Variants in CDK14 observed in about 807,000 individuals in gnomAD.
CDK14 encodes cyclin-dependent kinase 14.
Under a neutral mutation model 60.7 loss-of-function variants are expected in CDK14, and 34 were observed. That is an observed-to-expected ratio of 0.56 (90% confidence interval 0.43 to 0.75). The LOEUF (loss-of-function observed/expected upper bound fraction) is 0.75, where lower values mean the gene tolerates loss of function less well. Among genes scored for constraint, CDK14 ranks in the 30% least tolerant of loss-of-function variants. CDK14 has a pLI of 0.00. For synonymous variants in CDK14, 197 were observed against 203.7 expected (o/e 0.97, Z 0.28); for missense variants, 482 against 564.1 (o/e 0.85, Z 1.47).
At chr7:90,784,988 C>T (rs1289818140) in intron 4 of CDK14, among the ~76,000 whole-genome samples, 1 of 151,958 alleles carries the variant, frequency 6.6e-6, no homozygotes, top group Admixed American at 6.6e-5. Flanking sequence ...TTGTCCTTGC[C>T]CTACTCCAGC....
intron 4 of CDK14, among the ~76,000 whole-genome samples, chr7:90,766,193 ATC>A (rs1804552798): frequency 6.6e-6 from 1 of 151,508 alleles, no homozygotes; most frequent in Admixed American, 6.6e-5. Flanking sequence ...TTTTAATGAC[ATC>A]TCTTTTTTTG....
intron 2 of CDK14, among the ~76,000 whole-genome samples, chr7:90,617,543 C>T (rs942982198): frequency 6.6e-6 from 1 of 152,038 alleles, no homozygotes; most frequent in African/African-American, 2.4e-5. Context: ...AACTGAGTTA[C>T]ACACATTTTA....
intron 4 of CDK14, among the ~76,000 whole-genome samples, chr7:90,784,486 A>G (rs753071214): frequency 2.0e-5 from 3 of 152,228 alleles, no homozygotes; most frequent in Admixed American, 1.3e-4. Flanking sequence ...TAATTTGATC[A>G]TTACACTTTA....
chr7:90,775,391 GAT>G (rs1804979390), intron 4 of CDK14, among the ~76,000 whole-genome samples: 1 of 152,014 alleles, frequency 6.6e-6, no homozygotes, highest in Non-Finnish European at 1.5e-5. Context: ...GAGGAAAAGT[GAT>G]AATATCAAGA....
At chr7:91,159,207 A>T (rs1801089232) in intron 14 of CDK14, among the ~76,000 whole-genome samples, 1 of 152,210 alleles carries the variant, frequency 6.6e-6, no homozygotes, top group Admixed American at 6.5e-5. Flanking sequence ...TTTTCTAACA[A>T]AAAACAAATT....
intron 11 of CDK14, among the ~76,000 whole-genome samples, chr7:91,077,613 A>G (rs1798363083): frequency 6.6e-6 from 1 of 152,264 alleles, no homozygotes; most frequent in East Asian, 1.9e-4. Context: ...TACCTACATA[A>G]CAAACCTGCA....
At chr7:90,953,037 T>C (rs1311276603) in intron 8 of CDK14, among the ~76,000 whole-genome samples, 1 of 152,150 alleles carries the variant, frequency 6.6e-6, no homozygotes, top group African/African-American at 2.4e-5. Flanking sequence ...TCTTTTTGTC[T>C]TTCTTTTATT....
chr7:90,882,078 A>G (rs979880456), intron 6 of CDK14, among the ~76,000 whole-genome samples: 1 of 152,168 alleles, frequency 6.6e-6, no homozygotes, highest in Non-Finnish European at 1.5e-5. Flanking sequence ...ATAAATTCAC[A>G]TATACCAATA....
chr7:90,630,038 CAAACA>C (rs55947583), intron 2 of CDK14, among the ~76,000 whole-genome samples: 38,474 of 102,556 alleles, frequency 0.38, 5,098 homozygotes, highest in African/African-American at 0.42. Context: ...GACACTGTCT[CAAACA>C]AAACAAAACA....
chr7:90,811,841 G>T (rs1255712724), intron 5 of CDK14, among the ~76,000 whole-genome samples: 1 of 152,084 alleles, frequency 6.6e-6, no homozygotes, highest in Non-Finnish European at 1.5e-5. Flanking sequence ...GAAGACTTTT[G>T]TACAACCAAA....
Position 91,210,122 on chromosome 7 carries a change from C to T in CDK14, c.*2986C>T, listed in dbSNP as rs1044977015. ...CATAGGAATATGCTGCATAATTGCGCATAACTTCCATCTCCCTTACTGGCT... is the reference window on the plus strand; with the variant it reads ...CATAGGAATATGCTGCATAATTGCGTATAACTTCCATCTCCCTTACTGGCT... On this transcript the variant is annotated 3_prime_UTR_variant, in exon 15 of 15. Transcript: ENST00000380050. 2.0e-5 allele frequency: 3 copies of T among 152,586 alleles called. No homozygotes were observed. Among genetic ancestry groups the T allele is most frequent in the African/African-American group, 4.8e-5 (2 of 41,424 alleles). The allele number at this position is 152,586 out of a possible 1,614,324, so 9.5% of individuals were successfully genotyped here.
intron 8 of CDK14, among the ~76,000 whole-genome samples, chr7:90,949,021 GT>G (rs748520710): frequency 6.6e-6 from 1 of 151,896 alleles, no homozygotes; most frequent in Non-Finnish European, 1.5e-5. Context: ...AAACCATATT[GT>G]TTTTATTTTC....
chr7:90,606,265 G>T (rs1005180955), intron 2 of CDK14, among the ~76,000 whole-genome samples: 27 of 152,174 alleles, frequency 1.8e-4, no homozygotes, highest in African/African-American at 6.3e-4. Flanking sequence ...AAGGCATGCC[G>T]GGGTATAATC....
intron 10 of CDK14, among the ~76,000 whole-genome samples, chr7:90,984,758 G>A (rs548477304): frequency 1.7e-4 from 26 of 152,268 alleles, no homozygotes; most frequent in African/African-American, 5.8e-4. Context: ...ATGATGTGTT[G>A]ATAATGGCAC....
At chr7:91,184,408 G>A (rs951615435) in intron 14 of CDK14, among the ~76,000 whole-genome samples, 1 of 152,046 alleles carries the variant, frequency 6.6e-6, no homozygotes, top group African/African-American at 2.4e-5. Context: ...GGGTAAGTTC[G>A]GAGAAAGAGT....
intron 4 of CDK14, among the ~76,000 whole-genome samples, chr7:90,757,943 C>CAT (rs1562755754): frequency 6.6e-6 from 1 of 152,090 alleles, no homozygotes; most frequent in Non-Finnish European, 1.5e-5. Context: ...TGCTATTAGG[C>CAT]ATAGTTTAGA....
intron 5 of CDK14, among the ~76,000 whole-genome samples, chr7:90,832,057 C>A (rs1030264176): frequency 6.6e-6 from 1 of 152,064 alleles, no homozygotes; most frequent in African/African-American, 2.4e-5. Context: ...TCAGAGAATA[C>A]ATCTGATCAT....
At chr7:90,871,868 G>A (rs759705579) in intron 6 of CDK14, among the ~76,000 whole-genome samples, 23 of 152,150 alleles carry the variant, frequency 1.5e-4, no homozygotes, top group Non-Finnish European at 2.8e-4. Flanking sequence ...GTGAATCCAG[G>A]TAACTACAAG....
At chr7:91,131,594 C>CA (rs1240026290) in intron 14 of CDK14, among the ~76,000 whole-genome samples, 1 of 152,130 alleles carries the variant, frequency 6.6e-6, no homozygotes, top group African/African-American at 2.4e-5. Context: ...GAAATGGAGA[C>CA]AGAGTCACCA....
Sources: allele counts gnomAD v4.1 joint callset (sites outside exome capture counted in the v4.1 genomes callset), GRCh38; gene constraint gnomAD v4.1.1; transcripts MANE v1.5; gene names NCBI Gene and HGNC (gene_info 2026-07-23, HGNC 2026-07-21).